SUCLA2: variants seen among roughly 807,000 people sequenced by gnomAD.
SUCLA2 encodes the protein succinate--CoA ligase [ADP-forming] subunit beta, mitochondrial.
SUCLA2 carries 30 observed loss-of-function variants against 54.8 expected under a neutral mutation model. The observed-to-expected ratio is 0.55, with a 90% CI of 0.41 to 0.74. The LOEUF is 0.74. SUCLA2 is among the 30% of genes least tolerant of loss of function. The pLI, the probability that SUCLA2 is intolerant of heterozygous loss-of-function variation, is 0.00. For synonymous variants in SUCLA2, 172 were observed against 188.9 expected, an observed-to-expected ratio of 0.91 and a Z score of 0.74; for missense variants, 476 against 562.9, an observed-to-expected ratio of 0.85 and a Z score of 1.56.
chr13:47,993,460 G>A lies in SUCLA2; in HGVS notation c.271+3383C>T, dbSNP rs73495333. ...ATAGTCTTTTAAAATATTAGAATTA[G>A]ATTTCTTTCTAACCATTCCTCCATT... On this transcript the variant is annotated intron_variant, in intron 2 of 10. Transcript: ENST00000646932. Among the ~76,000 whole-genome samples the A allele has an allele frequency of 2.1e-3, 322 of 152,218 alleles. 3 individuals are homozygous for A. Among genetic ancestry groups the A allele is most frequent in the African/African-American group, 7.2e-3 (299 of 41,536 alleles).
In SUCLA2 at chr13:47,943,687, A is replaced by G. The variant is rs1294924155; in HGVS notation, c.1318-242T>C. Among the ~76,000 whole-genome samples the G allele has an allele frequency of 3.4e-4, 51 of 151,344 alleles. 1 individual carries two copies. The highest frequency in any genetic ancestry group is 1.5e-5 in the Non-Finnish European group (1 of 67,836). ...TTAAGATGTTATACCACCTGCTAGG[A>G]TTACACATATGTATTACATAAGATT... is the stretch of plus-strand genomic sequence containing the variant. On this transcript the variant is annotated intron_variant, in intron 10 of 10. Transcript: ENST00000646932.
At position 47,985,062 on chromosome 13, in the gene SUCLA2, T is replaced by C. The variant is rs568442164; in HGVS notation, c.534+3479A>G. On this transcript the variant is annotated intron_variant, in intron 4 of 10. Coordinates refer to ENST00000646932, the MANE Select transcript of SUCLA2 (RefSeq NM_003850.3). The stretch of plus-strand genomic sequence containing the variant: ...AAGGTATCACACAGAGAGTAGGTAC[T>C]TGAATTCACTTTCTGGCAAGCCAAC... 3.9e-5 allele frequency among the ~76,000 whole-genome samples: 6 copies of C among 152,318 alleles called. No homozygotes were observed. In the East Asian group the frequency reaches 7.7e-4, roughly 20 times the overall value.
intron 6 of SUCLA2, among the ~76,000 whole-genome samples, chr13:47,959,790 G>A (rs976534183): frequency 2.6e-5 from 4 of 152,150 alleles, no homozygotes; most frequent in African/African-American, 9.7e-5. Context: ...AAAGCTCTTA[G>A]TCTTGATGAA....
At chr13:47,983,372 G>A (rs1566090140) in intron 4 of SUCLA2, among the ~76,000 whole-genome samples, 1 of 94,118 alleles carries the variant, frequency 1.1e-5, no homozygotes, top group African/African-American at 3.3e-5. Flanking sequence ...TCATGCCACT[G>A]AAATAGAATA....
intron 4 of SUCLA2, among the ~76,000 whole-genome samples, chr13:47,977,601 G>C (rs1950026716): frequency 6.6e-6 from 1 of 152,034 alleles, no homozygotes; most frequent in Non-Finnish European, 1.5e-5. Flanking sequence ...TTAACTCCTA[G>C]AATACAAGGA....
intron 6 of SUCLA2, among the ~76,000 whole-genome samples, chr13:47,964,813 T>C (rs752687944): frequency 1.8e-4 from 28 of 152,026 alleles, no homozygotes; most frequent in Admixed American, 7.2e-4. Flanking sequence ...GCTGAGATCG[T>C]GCCACTGCAC....
chr13:47,998,657 C>T (rs1228210923), intron 1 of SUCLA2, among the ~76,000 whole-genome samples: 1 of 152,142 alleles, frequency 6.6e-6, no homozygotes, highest in Non-Finnish European at 1.5e-5. Context: ...AGAATATATA[C>T]TTACATGATT....
In SUCLA2 at chr13:47,954,561, T is replaced by C. The variant is rs1949803798; in HGVS notation, c.803-4A>G. On this transcript the variant is annotated splice_polypyrimidine_tract_variant and splice_region_variant and intron_variant, in intron 6 of 10. Transcript: ENST00000646932. ...ATCTTTGCATCCATACACAATACTT[T>C]GAAGGGAAAAAGAGAAAAATGACCT... 2.5e-6 allele frequency: 4 copies of C among 1,612,928 alleles called. No individual in the cohort carries two copies. The East Asian group carries it at 6.7e-5, about 27-fold the overall frequency.
rs374182439 is a variant in SUCLA2, at chr13:47,983,550, T to C, written c.534+4991A>G. Among the ~76,000 whole-genome samples, 54 of 150,728 alleles carry C rather than the reference T, an allele frequency of 3.6e-4. No homozygotes were observed. In the East Asian group the frequency reaches 8.8e-3, roughly 25 times the overall value. ...TGTCGCCCAGGCTGGAGTGCAGTGG[T>C]GCGATATGGGCTCACTGCAAGCTCC... On this transcript the variant is annotated intron_variant, in intron 4 of 10. Transcript: ENST00000646932.
At chr13:47,997,107 AAAAC>A in intron 1 of SUCLA2, 84 bp from the exon 2 acceptor site, 1 of 1,405,784 alleles carries the variant, frequency 7.1e-7, no homozygotes, top group Non-Finnish European at 1.0e-6. Context: ...TAACTATAAC[AAAAC>A]TGTTACATTA....
At chr13:47,992,347 G>C (rs1398788203) in intron 2 of SUCLA2, among the ~76,000 whole-genome samples, 1 of 70,902 alleles carries the variant, frequency 1.4e-5, no homozygotes, top group African/African-American at 5.4e-5. Context: ...ATGATTCTTC[G>C]AAAGTTCCTT....
chr13:47,944,885 G>A (rs545566603), intron 10 of SUCLA2, among the ~76,000 whole-genome samples: 2 of 152,080 alleles, frequency 1.3e-5, no homozygotes, highest in African/African-American at 2.4e-5. Flanking sequence ...CACTTTGGAA[G>A]GCCGAGGTGG....
intron 4 of SUCLA2, among the ~76,000 whole-genome samples, chr13:47,986,390 T>G (rs1265538211): frequency 6.6e-6 from 1 of 152,168 alleles, no homozygotes; most frequent in Non-Finnish European, 1.5e-5. Context: ...ATGGGGTTGT[T>G]TGCTTTTTTT....
chr13:47,974,202 T>C (rs1035037841), intron 4 of SUCLA2, among the ~76,000 whole-genome samples: 1 of 151,944 alleles, frequency 6.6e-6, no homozygotes, highest in Non-Finnish European at 1.5e-5. Context: ...GCTTAAAGCA[T>C]AAACACTAGA....
chr13:47,957,951 T>C (rs940769603), intron 6 of SUCLA2, among the ~76,000 whole-genome samples: 2 of 152,220 alleles, frequency 1.3e-5, no homozygotes, highest in African/African-American at 2.4e-5. Flanking sequence ...TTGTGTTTCA[T>C]ATAGTCATGA....
At chr13:47,944,094 T>C (rs939521255) in intron 10 of SUCLA2, among the ~76,000 whole-genome samples, 1 of 150,060 alleles carries the variant, frequency 6.7e-6, no homozygotes, top group African/African-American at 2.5e-5. Flanking sequence ...CTCAGTAAAT[T>C]AGTTAAGAAA....
At chr13:47,988,467 T>C (rs1364782273) in intron 4 of SUCLA2, 74 bp downstream of exon 4, 9 of 1,525,142 alleles carry the variant, frequency 5.9e-6, no homozygotes, top group Middle Eastern at 1.7e-4. Context: ...CCCACATAAA[T>C]AGAAACAATA....
At chr13:47,972,833 C>T (rs1180205068) in intron 5 of SUCLA2, among the ~76,000 whole-genome samples, 5 of 148,746 alleles carry the variant, frequency 3.4e-5, no homozygotes, top group South Asian at 4.4e-4. Flanking sequence ...CTGCAACCTC[C>T]GCCTCCTGGG....
intron 2 of SUCLA2, chr13:47,991,474 C>G (rs1950148337): frequency 6.6e-6 from 1 of 152,238 alleles, no homozygotes; most frequent in African/African-American, 2.4e-5. Context: ...ACCCTACTAA[C>G]CTGCCCACCT....
Sources: gnomAD v4.1 joint callset for allele counts (sites outside exome capture counted in the v4.1 genomes callset) on GRCh38, gnomAD v4.1.1 for gene constraint, MANE v1.5 for transcripts, NCBI Gene and HGNC (gene_info 2026-07-23, HGNC 2026-07-21) for gene names.